ZPBP: variants seen among roughly 807,000 people sequenced by gnomAD.
The protein encoded by ZPBP is zona pellucida binding protein.
A neutral mutation model predicts 44.8 loss-of-function variants in ZPBP; 26 were observed. That is an observed-to-expected ratio of 0.58 (90% CI 0.43 to 0.81). The LOEUF (loss-of-function observed/expected upper bound fraction) is 0.81, where lower values mean the gene tolerates loss of function less well. ZPBP is among the 30% of genes least tolerant of loss of function. ZPBP has a pLI of 0.00. For missense variants in ZPBP, 409 were observed against 434.0 expected, an observed-to-expected ratio of 0.94 and a Z score of 0.51; for synonymous variants, 174 against 153.2, an observed-to-expected ratio of 1.14 and a Z score of -1.00.
At chr7:49,881,217 T>C (rs909033086) in intron 2 of ZPBP, among the ~76,000 whole-genome samples, 1 of 151,886 alleles carries the variant, frequency 6.6e-6, no homozygotes, top group African/African-American at 2.4e-5. Flanking sequence ...AGGAGGAGAG[T>C]CCTGTTCAGG....
chr7:49,872,915 CAAA>C (rs61473396), intron 2 of ZPBP, among the ~76,000 whole-genome samples: 1 of 33,946 alleles, frequency 2.9e-5, no homozygotes, highest in Admixed American at 4.8e-4. Flanking sequence ...GACTTTGTCT[CAAA>C]AAAAAAAAAA....
chr7:49,929,939 T>G (rs1166040478), intron 1 of ZPBP, among the ~76,000 whole-genome samples: 1 of 152,232 alleles, frequency 6.6e-6, no homozygotes, highest in Non-Finnish European at 1.5e-5. Flanking sequence ...CCTTGTCCCC[T>G]TTTAAATTAT....
At chr7:49,980,213 A>C (rs975975330) in intron 7 of ZPBP, among the ~76,000 whole-genome samples, 2 of 123,564 alleles carry the variant, frequency 1.6e-5, no homozygotes, top group Admixed American at 1.0e-4. Context: ...ATGTTATATA[A>C]TATAAAATTA....
chr7:49,996,457 C>G (rs1030344873), intron 6 of ZPBP, among the ~76,000 whole-genome samples: 1 of 152,238 alleles, frequency 6.6e-6, no homozygotes, highest in African/African-American at 2.4e-5. Flanking sequence ...AGTTCAGAGT[C>G]AAGTCCATAA....
chr7:50,073,137 T>C (rs1801930478), intron 3 of ZPBP, among the ~76,000 whole-genome samples: 4 of 152,088 alleles, frequency 2.6e-5, no homozygotes, highest in Admixed American at 2.6e-4. Context: ...AATAGCTATG[T>C]TGAAGAAACT....
intron 1 of ZPBP, among the ~76,000 whole-genome samples, chr7:49,927,396 C>T (rs1021966949): frequency 1.3e-5 from 2 of 152,112 alleles, no homozygotes; most frequent in Non-Finnish European, 2.9e-5. Flanking sequence ...TAGTGGATAT[C>T]CAGGGTAGTA....
At chr7:49,965,217 C>G (rs971001842) in intron 7 of ZPBP, among the ~76,000 whole-genome samples, 2 of 151,908 alleles carry the variant, frequency 1.3e-5, no homozygotes, top group African/African-American at 4.8e-5. Flanking sequence ...CAAGGTGCAC[C>G]ATACTAATAT....
intron 4 of ZPBP, among the ~76,000 whole-genome samples, chr7:50,053,388 T>G (rs925593070): frequency 6.6e-6 from 1 of 152,188 alleles, no homozygotes. Flanking sequence ...AACCTTTCCT[T>G]GTATGTAACT....
chr7:50,019,541 C>T (rs987190322), intron 5 of ZPBP, among the ~76,000 whole-genome samples: 1 of 152,076 alleles, frequency 6.6e-6, no homozygotes, highest in Non-Finnish European at 1.5e-5. Context: ...CCTTTACCAA[C>T]ATTTACCTAG....
At chr7:50,049,934 C>A (rs1800601091) in intron 4 of ZPBP, among the ~76,000 whole-genome samples, 1 of 151,834 alleles carries the variant, frequency 6.6e-6, no homozygotes. Context: ...TGTTACATGA[C>A]TTTGACAAGG....
the ZPBP span, among the ~76,000 whole-genome samples, chr7:49,842,312 G>C: frequency 1.3e-5 from 2 of 152,084 alleles, no homozygotes; most frequent in Non-Finnish European, 2.9e-5. Flanking sequence ...GAAATAAAAA[G>C]AAACCTAAAA....
intron 3 of ZPBP, among the ~76,000 whole-genome samples, chr7:50,065,711 G>A (rs541807126): frequency 6.6e-6 from 1 of 150,962 alleles, no homozygotes; most frequent in East Asian, 1.9e-4. Context: ...TATGTTTTCA[G>A]CTAGTTGAGC....
In ZPBP at chr7:49,863,992, G is replaced by A. The variant is rs571308543; in HGVS notation, n.510-13478C>T. 7.2e-5 allele frequency among the ~76,000 whole-genome samples: 11 copies of A among 151,818 alleles called. No individual in the cohort carries two copies. The South Asian group carries it at 2.3e-3, about 32-fold the overall frequency. ...TTTGTTTTAAAATATTTTCCCTTTA[G>A]TTTTGCAAAAATCATATATTGTTTA... On this transcript the variant is annotated intron_variant and non_coding_transcript_variant, in intron 2 of 2. Transcript: ENST00000465922.
intron 4 of ZPBP, among the ~76,000 whole-genome samples, chr7:50,053,596 G>T (rs1244947479): frequency 6.6e-6 from 1 of 152,118 alleles, no homozygotes; most frequent in Non-Finnish European, 1.5e-5. Flanking sequence ...CTTATCTTTT[G>T]AATTTTTGTT....
chr7:49,980,886 C>T lies in ZPBP; in HGVS notation c.961+2456G>A, dbSNP rs115331962. ...AAGTCATTTCTAATTGTTCTTTTCT[C>T]CTTTCTTTCTGCAATTTAAGTTAGA... On this transcript the variant is annotated intron_variant, in intron 7 of 7. Transcript: ENST00000046087. 7.6e-3 allele frequency among the ~76,000 whole-genome samples: 1,150 copies of T among 151,966 alleles called. 24 individuals carry two copies. The highest frequency in any genetic ancestry group is 0.026 in the African/African-American group (1,089 of 41,476).
chr7:49,870,213 A>T (rs1791086886), intron 2 of ZPBP, among the ~76,000 whole-genome samples: 1 of 152,166 alleles, frequency 6.6e-6, no homozygotes, highest in African/African-American at 2.4e-5. Flanking sequence ...ATCCTGGCTA[A>T]GACAGTGAAA....
intron 2 of ZPBP, among the ~76,000 whole-genome samples, chr7:49,858,377 A>C (rs561253969): frequency 5.9e-5 from 9 of 152,212 alleles, no homozygotes; most frequent in African/African-American, 2.2e-4. Context: ...ATGCAGCCAT[A>C]AAAAAGGATG....
At chr7:50,092,820 T>C (rs190258586) in intron 1 of ZPBP, 20 of 455,852 alleles carry the variant, frequency 4.4e-5, no homozygotes, top group Middle Eastern at 5.2e-4. Flanking sequence ...AGCAATTTAA[T>C]TGTAAAACTT....
intron 6 of ZPBP, among the ~76,000 whole-genome samples, chr7:50,016,453 C>T (rs1044781923): frequency 2.6e-5 from 4 of 152,060 alleles, no homozygotes; most frequent in Non-Finnish European, 5.9e-5. Context: ...AGGTACTATG[C>T]TCACTATCTG....
Sources: gnomAD v4.1 joint callset for allele counts (sites outside exome capture counted in the v4.1 genomes callset) on GRCh38, gnomAD v4.1.1 for gene constraint, MANE v1.5 for transcripts, NCBI Gene and HGNC (gene_info 2026-07-23, HGNC 2026-07-21) for gene names.